Variants in TLL2 observed in about 807,000 individuals in gnomAD.
TLL2 encodes the protein tolloid-like protein 2.
In TLL2, 106 loss-of-function variants were observed where a neutral mutation model predicts 123.0. The observed-to-expected ratio is 0.86, with a 90% CI of 0.74 to 1.01. The LOEUF is 1.01. Ranked by LOEUF, TLL2 falls within the 50% of genes least tolerant of loss-of-function variation. The pLI is 0.00. For synonymous variants in TLL2, 494 were observed against 516.8 expected (o/e 0.96, Z 0.60); for missense variants, 1,332 against 1,336.7 (o/e 1.00, Z 0.06).
chr10:96,464,732 G>A (rs1847112243), intron 2 of TLL2, among the ~76,000 whole-genome samples: 1 of 152,170 alleles, frequency 6.6e-6, no homozygotes, highest in African/African-American at 2.4e-5. Context: ...TTCCTTTTAA[G>A]AGAAGACATA....
Position 96,410,039 on chromosome 10 carries a change from C to T in TLL2, c.1164+320G>A, listed in dbSNP as rs188451960. On this transcript the variant is annotated intron_variant, in intron 9 of 20. Transcript: ENST00000357947. ...GTGGGCTGGCTCCCCGTGTCACCAT[C>T]TTCCAGAGCAGCAATCCGAGGTGTC... Among the ~76,000 whole-genome samples the T allele has an allele frequency of 7.9e-5, 12 of 152,326 alleles. No homozygotes were observed. The East Asian group carries it at 2.1e-3, about 27-fold the overall frequency.
chr10:96,422,932 T>C (rs1395660343), intron 5 of TLL2, among the ~76,000 whole-genome samples: 3 of 152,022 alleles, frequency 2.0e-5, no homozygotes, highest in Non-Finnish European at 4.4e-5. Context: ...GTTTGAGACC[T>C]GCCTGGCCAA....
intron 2 of TLL2, among the ~76,000 whole-genome samples, chr10:96,470,823 G>A (rs1847172257): frequency 6.6e-6 from 1 of 152,178 alleles, no homozygotes; most frequent in South Asian, 2.1e-4. Flanking sequence ...GTTGTGTGAA[G>A]ATTAAATAAA....
chr10:96,479,900 C>T (rs1847294806), intron 2 of TLL2, among the ~76,000 whole-genome samples: 1 of 152,212 alleles, frequency 6.6e-6, no homozygotes, highest in Non-Finnish European at 1.5e-5. Flanking sequence ...CTACTCAGGA[C>T]TCCTACTCAC....
intron 11 of TLL2, 138 bp from the exon 12 acceptor site, chr10:96,396,158 A>G (rs1358133896): frequency 1.0e-6 from 1 of 990,174 alleles, no homozygotes; most frequent in Non-Finnish European, 1.4e-6. Context: ...TCTCCAGCCC[A>G]CAAACACCGC....
In TLL2 at chr10:96,480,357, T is replaced by G. The variant is rs1241297016; in HGVS notation, c.278A>C (p.His93Pro). The G allele has an allele frequency of 1.2e-6, 2 of 1,614,092 alleles. No homozygotes were observed. Among genetic ancestry groups the G allele is most frequent in the Admixed American group, 3.3e-5 (2 of 60,016 alleles). ...WTKQTVGATG[H>P]STGGLEEQAS... ...GAGGAAGCAGTACCTACCTGTGCTG[T>G]GTCCTGTTGCCCCCACTGTCTGCTT... The change falls in exon 2 of 21, where the codon CAC (histidine) becomes CCC (proline). Residue 93 changes from histidine (H) to proline (P), a missense_variant. His to Pro is a moderately conservative substitution (Grantham distance 77). Coordinates refer to ENST00000357947, the MANE Select transcript of TLL2 (RefSeq NM_012465.4).
chr10:96,513,425 C>T lies in TLL2; in HGVS notation c.175+86G>A. ...AGGGGAGGGGAGGGGAGACCCGCCC[C>T]ATAGACGGTAGTGCAGGCTTGCCCA... On this transcript the variant is annotated intron_variant, in intron 1 of 20. Coordinates refer to ENST00000357947, the MANE Select transcript of TLL2 (RefSeq NM_012465.4). 5 of 1,553,134 alleles carry T rather than the reference C, an allele frequency of 3.2e-6. No individual in the cohort carries two copies. The South Asian group carries it at 4.6e-5, about 14-fold the overall frequency.
intron 1 of TLL2, among the ~76,000 whole-genome samples, chr10:96,493,428 T>C (rs1589436112): frequency 6.6e-6 from 1 of 152,274 alleles, no homozygotes; most frequent in South Asian, 2.1e-4. Flanking sequence ...AGGGACAGCA[T>C]GTGCAAAGGC....
chr10:96,401,783 AAC>A (rs1486391991), intron 10 of TLL2, among the ~76,000 whole-genome samples: 3 of 152,242 alleles, frequency 2.0e-5, no homozygotes, highest in Non-Finnish European at 4.4e-5. Flanking sequence ...GAACTTCAGT[AAC>A]AGACAGCTTC....
chr10:96,368,085 G>C lies in TLL2; in HGVS notation c.*3C>G. The stretch of plus-strand genomic sequence containing the variant: ...CAGTTTCTGTCTTTCAAGAACATCA[G>C]CACTATTTCTTCATGTGCAGGGCAT... On this transcript the variant is annotated 3_prime_UTR_variant, in exon 21 of 21. Transcript: ENST00000357947. 1 of 1,614,042 alleles carries C rather than the reference G, an allele frequency of 6.2e-7. No homozygotes were observed. Among genetic ancestry groups the C allele is most frequent in the Non-Finnish European group, 8.5e-7 (1 of 1,179,978 alleles).
chr10:96,455,328 G>A (rs1847001903), intron 2 of TLL2, among the ~76,000 whole-genome samples: 1 of 152,170 alleles, frequency 6.6e-6, no homozygotes, highest in Non-Finnish European at 1.5e-5. Context: ...TTATCCCTGG[G>A]ACAGTGGAGC....
chr10:96,507,105 C>T (rs2134117293), intron 1 of TLL2, among the ~76,000 whole-genome samples: 1 of 152,130 alleles, frequency 6.6e-6, no homozygotes, highest in East Asian at 1.9e-4. Flanking sequence ...CCTGATACGT[C>T]TTCCTTCCTG....
intron 15 of TLL2, among the ~76,000 whole-genome samples, chr10:96,385,477 G>A (rs1327975601): frequency 6.6e-6 from 1 of 152,188 alleles, no homozygotes; most frequent in Non-Finnish European, 1.5e-5. Flanking sequence ...CTGATCAGGT[G>A]AGAGCTACAC....
chr10:96,384,856 T>A, intron 15 of TLL2, 89 bp from the exon 16 acceptor site: 1 of 1,312,302 alleles, frequency 7.6e-7, no homozygotes. Flanking sequence ...CCTGAGCGCC[T>A]CACCCTACCG....
In TLL2 at chr10:96,458,575, G is replaced by A. The variant is rs201126659; in HGVS notation, c.287-12407C>T. ...GCACTCCAGCCTGGGGGACAAGAGC[G>A]AGACTTCGTCTCAAAAAAAAAAAAA... On this transcript the variant is annotated intron_variant, in intron 2 of 20. Transcript: ENST00000357947. Among the ~76,000 whole-genome samples, 13 of 111,092 alleles carry A rather than the reference G, an allele frequency of 1.2e-4. No individual in the cohort carries two copies. The East Asian group carries it at 2.2e-3, about 19-fold the overall frequency. 72.9% of individuals were successfully genotyped at this position (111,092 alleles called of 152,430 possible). A position where few individuals can be genotyped will look rare whatever the true frequency, so the allele number is the denominator to read the frequency against.
At chr10:96,430,378 G>T (rs960242939) in intron 4 of TLL2, among the ~76,000 whole-genome samples, 1 of 152,228 alleles carries the variant, frequency 6.6e-6, no homozygotes, top group Admixed American at 6.5e-5. Flanking sequence ...ACCAGGAGCA[G>T]ATATGCTGCC....
rs562321915 is a variant in TLL2 at position 96,382,276 on chromosome 10, G to A, written c.2194+2311C>T. On this transcript the variant is annotated intron_variant, in intron 16 of 20. Coordinates refer to ENST00000357947, the MANE Select transcript of TLL2 (RefSeq NM_012465.4). ...GATCTCTTGACCTCGTGATCCACCC[G>A]CCTTGGCCTCCCAAAGTGCTGGAAT... Among the ~76,000 whole-genome samples, 25 of 152,336 alleles carry A rather than the reference G, an allele frequency of 1.6e-4. No individual in the cohort carries two copies. In the East Asian group the frequency reaches 2.3e-3, roughly 14 times the overall value.
intron 16 of TLL2, 121 bp downstream of exon 16, chr10:96,384,466 A>T: frequency 9.4e-7 from 1 of 1,062,634 alleles, no homozygotes; most frequent in Non-Finnish European, 1.3e-6. Context: ...CAAGGCAGCC[A>T]TACCTGGAGG....
intron 13 of TLL2, among the ~76,000 whole-genome samples, chr10:96,393,669 C>T (rs1160692020): frequency 1.3e-5 from 2 of 152,146 alleles, no homozygotes; most frequent in African/African-American, 4.8e-5. Flanking sequence ...CATATCTTCC[C>T]TGTGCAATCA....
Sources: allele counts gnomAD v4.1 joint callset (sites outside exome capture counted in the v4.1 genomes callset), GRCh38; gene constraint gnomAD v4.1.1; transcripts MANE v1.5; gene names NCBI Gene and HGNC (gene_info 2026-07-23, HGNC 2026-07-21).